Variants in ADAMTSL1 observed in about 807,000 individuals in gnomAD.
ADAMTSL1 encodes ADAMTS like 1.
A neutral mutation model predicts 201.8 loss-of-function variants in ADAMTSL1; 126 were observed. The ratio of observed to expected loss-of-function variants is 0.62; its 90% CI spans 0.54 to 0.72. ADAMTSL1 has a LOEUF of 0.72. ADAMTSL1 is among the 30% of genes least tolerant of loss of function. The pLI, the probability that ADAMTSL1 is intolerant of heterozygous loss-of-function variation, is 0.00. For missense variants in ADAMTSL1, 2,679 were observed against 2,277.8 expected, an observed-to-expected ratio of 1.18 and a Z score of -3.59; for synonymous variants, 1,121 against 903.4, an observed-to-expected ratio of 1.24 and a Z score of -4.32.
intron 21 of ADAMTSL1, among the ~76,000 whole-genome samples, chr9:18,819,859 G>A (rs1031621845): frequency 1.3e-5 from 2 of 152,230 alleles, no homozygotes; most frequent in Non-Finnish European, 2.9e-5. Flanking sequence ...TGAATTTGCT[G>A]GACAAGGAAA....
chr9:18,280,214 G>A (rs1832732398), intron 2 of ADAMTSL1, among the ~76,000 whole-genome samples: 1 of 152,062 alleles, frequency 6.6e-6, no homozygotes, highest in Non-Finnish European at 1.5e-5. Flanking sequence ...GTCTGATGCT[G>A]GGGTGGGTCT....
At chr9:18,464,984 A>C (rs1308091627) in intron 2 of ADAMTSL1, among the ~76,000 whole-genome samples, 1 of 152,224 alleles carries the variant, frequency 6.6e-6, no homozygotes, top group Non-Finnish European at 1.5e-5. Context: ...AATAAAACAT[A>C]ATAATCAACA....
At chr9:17,914,663 T>C (rs1826021344) in intron 1 of ADAMTSL1, among the ~76,000 whole-genome samples, 1 of 151,568 alleles carries the variant, frequency 6.6e-6, no homozygotes, top group Non-Finnish European at 1.5e-5. Flanking sequence ...TGTTGGAAGT[T>C]CTGGCCAGGG....
intron 2 of ADAMTSL1, among the ~76,000 whole-genome samples, chr9:18,305,504 G>A (rs546533096): frequency 6.6e-6 from 1 of 152,324 alleles, no homozygotes; most frequent in Admixed American, 6.5e-5. Flanking sequence ...TATCTGGGAT[G>A]CTCAAGCTTG....
chr9:18,097,917 G>T (rs1824325770), intron 1 of ADAMTSL1, among the ~76,000 whole-genome samples: 2 of 151,558 alleles, frequency 1.3e-5, no homozygotes, highest in Admixed American at 1.3e-4. Context: ...CCAAAATGGT[G>T]AGGATTTTTT....
intron 15 of ADAMTSL1, among the ~76,000 whole-genome samples, chr9:18,737,880 G>T (rs1818609024): frequency 6.6e-6 from 1 of 152,216 alleles, no homozygotes; most frequent in South Asian, 2.1e-4. Flanking sequence ...GATTCGGAAT[G>T]TAGTATCTAG....
intron 1 of ADAMTSL1, among the ~76,000 whole-genome samples, chr9:17,962,823 C>T (rs1432483016): frequency 2.6e-5 from 4 of 152,232 alleles, no homozygotes; most frequent in Non-Finnish European, 5.9e-5. Context: ...CTTTGCACAG[C>T]GTGCAGTTAT....
chr9:18,527,693 C>T (rs921174398), intron 2 of ADAMTSL1, among the ~76,000 whole-genome samples: 1 of 151,984 alleles, frequency 6.6e-6, no homozygotes, highest in Non-Finnish European at 1.5e-5. Flanking sequence ...AGTATGTATC[C>T]AGTATATACT....
At chr9:18,478,614 G>A (rs1462401453) in intron 1 of ADAMTSL1, among the ~76,000 whole-genome samples, 2 of 152,030 alleles carry the variant, frequency 1.3e-5, no homozygotes, top group African/African-American at 4.8e-5. Flanking sequence ...ACGCTCTCAG[G>A]TCCAGCTATG....
chr9:17,995,617 A>G (rs1819342070), intron 1 of ADAMTSL1, among the ~76,000 whole-genome samples: 1 of 152,048 alleles, frequency 6.6e-6, no homozygotes, highest in Non-Finnish European at 1.5e-5. Flanking sequence ...AAGTCACAGT[A>G]ATTTGTTTTA....
intron 23 of ADAMTSL1, among the ~76,000 whole-genome samples, chr9:18,834,027 A>G (rs939414499): frequency 1.7e-4 from 26 of 151,984 alleles, no homozygotes; most frequent in African/African-American, 6.0e-4. Flanking sequence ...TGGGTTCTCT[A>G]TTCTGTTCCA....
intron 2 of ADAMTSL1, among the ~76,000 whole-genome samples, chr9:18,418,853 T>C (rs1404836694): frequency 1.3e-5 from 2 of 152,176 alleles, no homozygotes; most frequent in Non-Finnish European, 1.5e-5. Context: ...CTACAATGTA[T>C]GTGAAAGGCA....
intron 27 of ADAMTSL1, 115 bp downstream of exon 27, chr9:18,906,006 G>T: frequency 1.1e-6 from 1 of 923,568 alleles, no homozygotes; most frequent in Non-Finnish European, 1.6e-6. Flanking sequence ...GCCCTGCCTG[G>T]GACTCCATCT....
intron 2 of ADAMTSL1, among the ~76,000 whole-genome samples, chr9:18,212,831 C>T (rs919966240): frequency 2.6e-5 from 4 of 152,104 alleles, no homozygotes; most frequent in African/African-American, 9.7e-5. Flanking sequence ...GTAAGATGTG[C>T]TTCAACATTC....
At position 18,123,650 on chromosome 9, in the gene ADAMTSL1, T is replaced by C. The variant is rs115183775; in HGVS notation, c.88-40212T>C. On this transcript the variant is annotated intron_variant, in intron 1 of 29. Transcript: ENST00000680146. ...TCATAAGATTTCCCTATTGTAAATG[T>C]ATAGGTTCAATGAATTTTAGTAAAT... 3.7e-3 allele frequency among the ~76,000 whole-genome samples: 563 copies of C among 152,288 alleles called. 6 individuals carry two copies. Among genetic ancestry groups the C allele is most frequent in the African/African-American group, 0.013 (535 of 41,572 alleles).
In ADAMTSL1 at chr9:17,977,938, A is replaced by G. The variant is rs139514363; in HGVS notation, c.87+71016A>G. On this transcript the variant is annotated intron_variant, in intron 1 of 29. Transcript: ENST00000680146. The stretch of plus-strand genomic sequence containing the variant: ...AATCCCCTACCATTATTGTATTGCT[A>G]TTTCCCCCTTGAGTTCTGTTAATAT... Among the ~76,000 whole-genome samples, 699 of 152,002 alleles carry G rather than the reference A, an allele frequency of 4.6e-3. 5 individuals are homozygous for G. The highest frequency in any genetic ancestry group is 0.016 in the African/African-American group (674 of 41,502).
intron 1 of ADAMTSL1, among the ~76,000 whole-genome samples, chr9:18,076,479 G>A (rs1309913512): frequency 1.3e-5 from 2 of 152,150 alleles, no homozygotes; most frequent in Non-Finnish European, 1.5e-5. Context: ...AAATGATAAG[G>A]GCACAGTGAC....
chr9:18,469,140 C>T (rs1049439898), upstream of ADAMTSL1, among the ~76,000 whole-genome samples: 1 of 152,206 alleles, frequency 6.6e-6, no homozygotes, highest in African/African-American at 2.4e-5. Context: ...CTGTGTATAT[C>T]TCAAAGCCTT....
Position 18,606,457 on chromosome 9 carries a change from A to G in ADAMTSL1, c.475-15786A>G, listed in dbSNP as rs141386206. 1.7e-3 allele frequency among the ~76,000 whole-genome samples: 264 copies of G among 152,270 alleles called. 1 individual carries two copies. Among genetic ancestry groups the G allele is most frequent in the African/African-American group, 5.9e-3 (247 of 41,554 alleles). On this transcript the variant is annotated intron_variant, in intron 4 of 28. Transcript: ENST00000380548. ...TGCTCTAAACATTCCCTCAAAAACCATTTCTCTAAACAGAGCGCTCGCATG... is the reference window on the plus strand; with the variant it reads ...TGCTCTAAACATTCCCTCAAAAACCGTTTCTCTAAACAGAGCGCTCGCATG...
Sources: gnomAD v4.1 joint callset for allele counts (sites outside exome capture counted in the v4.1 genomes callset) on GRCh38, gnomAD v4.1.1 for gene constraint, MANE v1.5 for transcripts, NCBI Gene and HGNC (gene_info 2026-07-23, HGNC 2026-07-21) for gene names.